ZNRF1: variants seen among roughly 807,000 people sequenced by gnomAD.
The protein encoded by ZNRF1 is E3 ubiquitin-protein ligase ZNRF1.
ZNRF1 carries 3 observed loss-of-function variants against 18.4 expected under a neutral mutation model. The ratio of observed to expected loss-of-function variants is 0.16; its 90% CI spans 0.07 to 0.42. The LOEUF (loss-of-function observed/expected upper bound fraction) is 0.42. Among genes scored for constraint, ZNRF1 ranks in the 10% least tolerant of loss-of-function variants. The probability of loss-of-function intolerance (pLI) is 0.99; values close to 1 mark genes in which losing one functional copy is unlikely to be tolerated. For synonymous variants in ZNRF1, 157 were observed against 144.2 expected (o/e 1.09, Z -0.64); for missense variants, 310 against 329.8 (o/e 0.94, Z 0.47).
intron 1 of ZNRF1, among the ~76,000 whole-genome samples, chr16:75,064,036 G>T (rs2035773118): frequency 1.3e-5 from 2 of 152,116 alleles, no homozygotes; most frequent in African/African-American, 4.8e-5. Context: ...AGTGGCTCAC[G>T]CCTGTAAATC....
intron 1 of ZNRF1, chr16:75,000,455 C>G: frequency 2.3e-6 from 1 of 431,078 alleles, no homozygotes; most frequent in Non-Finnish European, 4.5e-6. Flanking sequence ...CTGTGCCTGC[C>G]TCACCGGTAA....
rs543671760 is a variant in ZNRF1 at position 75,024,176 on chromosome 16, CCTT to C, written c.424+24085_424+24087del. Among the ~76,000 whole-genome samples the C allele has an allele frequency of 5.8e-4, 89 of 152,264 alleles. 2 individuals carry two copies. The East Asian group carries it at 0.017, about 29-fold the overall frequency. On this transcript the variant is annotated intron_variant, in intron 1 of 4. Coordinates refer to ENST00000335325, the MANE Select transcript of ZNRF1 (RefSeq NM_032268.5). ...TGAGCCACCGCACCCAGCCCAGAAT[CCTT>C]CTTAACACAGTACTCCAAGTGCCCA...
chr16:75,069,731 C>T (rs560392425), intron 1 of ZNRF1, among the ~76,000 whole-genome samples: 5 of 152,334 alleles, frequency 3.3e-5, no homozygotes, highest in African/African-American at 4.8e-5. Context: ...CTTTTTAAAA[C>T]TGTTTGTACC....
intron 1 of ZNRF1, among the ~76,000 whole-genome samples, chr16:75,068,822 G>A (rs1376886705): frequency 3.3e-5 from 5 of 151,764 alleles, no homozygotes; most frequent in African/African-American, 7.3e-5. Flanking sequence ...GCCAAGGCCC[G>A]AGAACACACT....
intron 1 of ZNRF1, among the ~76,000 whole-genome samples, chr16:75,059,467 T>G (rs748629607): frequency 5.3e-5 from 8 of 151,972 alleles, no homozygotes; most frequent in Admixed American, 1.3e-4. Context: ...AGGCTGGATA[T>G]CTTGGATTTT....
rs2036371511 is a variant in ZNRF1 at position 75,110,639 on chromosome 16, GA to G, written c.*2941del. ...AATCTGCAGTGGCTGGTATTTCAGTGAACAGTGTACTTGTTCTTTCAACTTT... is the reference window on the plus strand; with the variant it reads ...AATCTGCAGTGGCTGGTATTTCAGTGACAGTGTACTTGTTCTTTCAACTTT... On this transcript the variant is annotated 3_prime_UTR_variant, in exon 5 of 5. Coordinates refer to ENST00000335325, the MANE Select transcript of ZNRF1 (RefSeq NM_032268.5). 1.3e-5 allele frequency: 2 copies of G among 152,224 alleles called. No homozygotes were observed. Among genetic ancestry groups the G allele is most frequent in the South Asian group, 4.1e-4 (2 of 4,828 alleles). The allele number at this position is 152,224 out of a possible 1,614,324, so 9.4% of individuals were successfully genotyped here.
At chr16:75,042,382 C>T (rs570784804) in intron 1 of ZNRF1, among the ~76,000 whole-genome samples, 39 of 148,824 alleles carry the variant, frequency 2.6e-4, no homozygotes, top group Middle Eastern at 3.6e-3. Context: ...TTACATATGT[C>T]TGTGTTCCAT....
intron 2 of ZNRF1, among the ~76,000 whole-genome samples, chr16:75,101,127 T>G (rs1321877853): frequency 1.3e-5 from 2 of 152,136 alleles, no homozygotes; most frequent in Admixed American, 6.5e-5. Context: ...AGAGACAGAC[T>G]TTCACCATGT....
At chr16:75,077,825 A>G (rs1405610000) in intron 1 of ZNRF1, among the ~76,000 whole-genome samples, 1 of 152,068 alleles carries the variant, frequency 6.6e-6, no homozygotes, top group Non-Finnish European at 1.5e-5. Context: ...TCTAACTTCA[A>G]AGCTAATGGC....
Position 75,088,469 on chromosome 16 carries a change from A to C in ZNRF1, c.425-5103A>C, listed in dbSNP as rs117321138. Among the ~76,000 whole-genome samples, 1,453 of 152,366 alleles carry C rather than the reference A, an allele frequency of 9.5e-3. 80 individuals carry two copies. Among genetic ancestry groups the C allele is most frequent in the Admixed American group, 0.08 (1,217 of 15,298 alleles). On this transcript the variant is annotated intron_variant, in intron 1 of 4. Coordinates refer to ENST00000335325, the MANE Select transcript of ZNRF1 (RefSeq NM_032268.5). ...AGGAAAAAAAAGTGTCCATTGTTTCAGGCTACAAGTTAGCCCGGACTATGG... is the reference window on the plus strand; with the variant it reads ...AGGAAAAAAAAGTGTCCATTGTTTCCGGCTACAAGTTAGCCCGGACTATGG...
intron 1 of ZNRF1, among the ~76,000 whole-genome samples, chr16:75,071,578 C>CT (rs1281420305): frequency 6.6e-6 from 1 of 152,130 alleles, no homozygotes; most frequent in African/African-American, 2.4e-5. Context: ...GTGACTTAGC[C>CT]TTACAAGTCA....
chr16:75,001,793 A>G (rs764674340), intron 1 of ZNRF1, among the ~76,000 whole-genome samples: 14 of 151,826 alleles, frequency 9.2e-5, no homozygotes, highest in Non-Finnish European at 2.1e-4. Context: ...CTAAAAATTT[A>G]TTTATTATGC....
chr16:75,107,407 G>A (rs916833308), intron 4 of ZNRF1: 6 of 195,568 alleles, frequency 3.1e-5, no homozygotes, highest in South Asian at 1.3e-4. Flanking sequence ...TCTTGCTTTC[G>A]TTTTCTTTTG....
rs576794005 is a variant in ZNRF1 at position 75,063,974 on chromosome 16, C to G, written c.425-29598C>G. Among the ~76,000 whole-genome samples the G allele has an allele frequency of 5.3e-5, 8 of 152,278 alleles. No homozygotes were observed. The East Asian group carries it at 1.5e-3, about 29-fold the overall frequency. ...AGGATTTTTGTTAAAATACGGGGCT[C>G]CATTCTTGATATTTCTTTTCTTTTT... On this transcript the variant is annotated intron_variant, in intron 1 of 4. Transcript: ENST00000335325.
intron 1 of ZNRF1, among the ~76,000 whole-genome samples, chr16:75,038,248 A>G (rs777884205): frequency 6.6e-6 from 1 of 152,176 alleles, no homozygotes; most frequent in Non-Finnish European, 1.5e-5. Context: ...GGGGTGTCTC[A>G]TGACATTGTA....
rs150637514 is a variant in ZNRF1 at position 75,045,471 on chromosome 16, G to A, written c.424+45376G>A. ...GTGGGACCAGTGCAAATTGTGCTGG[G>A]TGCAATATTTTTTTTTAACTTAGCA... On this transcript the variant is annotated intron_variant, in intron 1 of 4. Transcript: ENST00000335325. Among the ~76,000 whole-genome samples the A allele has an allele frequency of 3.4e-3, 520 of 152,212 alleles. 6 individuals carry two copies. The highest frequency in any genetic ancestry group is 0.012 in the African/African-American group (491 of 41,538).
chr16:75,088,353 G>A (rs920716624), intron 1 of ZNRF1, among the ~76,000 whole-genome samples: 2 of 152,092 alleles, frequency 1.3e-5, no homozygotes, highest in East Asian at 3.8e-4. Context: ...CCATTTAAAA[G>A]GTCATCTGCA....
At chr16:75,082,722 T>A (rs1338547262) in intron 1 of ZNRF1, among the ~76,000 whole-genome samples, 1 of 152,108 alleles carries the variant, frequency 6.6e-6, no homozygotes, top group Non-Finnish European at 1.5e-5. Context: ...CCTGGCTAAT[T>A]TTTATATTTT....
intron 2 of ZNRF1, among the ~76,000 whole-genome samples, chr16:75,099,304 C>T (rs1170876802): frequency 6.6e-6 from 1 of 152,150 alleles, no homozygotes; most frequent in African/African-American, 2.4e-5. Flanking sequence ...GCTCCTCCTC[C>T]CAGATATCTT....
Sources: gnomAD v4.1 joint callset for allele counts (sites outside exome capture counted in the v4.1 genomes callset) on GRCh38, gnomAD v4.1.1 for gene constraint, MANE v1.5 for transcripts, NCBI Gene and HGNC (gene_info 2026-07-23, HGNC 2026-07-21) for gene names.